PHLPP2: variants seen among roughly 807,000 people sequenced by gnomAD.
The protein encoded by PHLPP2 is PH domain leucine-rich repeat-containing protein phosphatase 2.
Under a neutral mutation model 124.9 loss-of-function variants are expected in PHLPP2, and 66 were observed. The ratio of observed to expected loss-of-function variants is 0.53; its 90% CI spans 0.43 to 0.65. PHLPP2 has a LOEUF of 0.65. PHLPP2 is among the 30% of genes least tolerant of loss of function. PHLPP2 has a pLI of 0.00. For synonymous variants in PHLPP2, 681 were observed against 624.7 expected (o/e 1.09, Z -1.34); for missense variants, 1,685 against 1,600.4 (o/e 1.05, Z -0.90).
rs1271459743 is a variant in PHLPP2, at chr16:71,702,802, T to TTTTTAC, written c.285-72_285-71insGTAAAA. 6.8e-6 allele frequency: 7 copies of TTTTTAC among 1,027,712 alleles called. No homozygotes were observed. In the Admixed American group the frequency reaches 1.0e-4, roughly 15 times the overall value. 63.7% of individuals were successfully genotyped at this position (1,027,712 alleles called of 1,614,324 possible). ...AAATGGTTCATTTAATTTTTTAGTA[T>TTTTTAC]TTTTATTTGTATAAATTTCAGGGGT... On this transcript the variant is annotated intron_variant, in intron 2 of 18. Coordinates refer to ENST00000568954, the MANE Select transcript of PHLPP2 (RefSeq NM_015020.3).
chr16:71,665,035 C>G (rs986284704), intron 12 of PHLPP2, among the ~76,000 whole-genome samples: 1 of 152,044 alleles, frequency 6.6e-6, no homozygotes, highest in Non-Finnish European at 1.5e-5. Context: ...TCCGGCTGGG[C>G]GAGGTGGCTC....
intron 3 of PHLPP2, chr16:71,698,589 A>G: frequency 1.6e-6 from 1 of 625,182 alleles, no homozygotes; most frequent in Admixed American, 1.9e-5. Context: ...GGTCCCTTAG[A>G]GCAACCCATA....
chr16:71,670,698 A>ACACACACACACACACACACACG (rs1475179259), intron 10 of PHLPP2, among the ~76,000 whole-genome samples: 3 of 150,604 alleles, frequency 2.0e-5, no homozygotes, highest in Non-Finnish European at 3.0e-5. Context: ...GGCTGAAAAC[A>ACACACACACACACACACACACG]CACACACACA....
At chr16:71,694,420 C>A in intron 3 of PHLPP2, among the ~76,000 whole-genome samples, 1 of 152,030 alleles carries the variant, frequency 6.6e-6, no homozygotes, top group East Asian at 1.9e-4. Context: ...GAGATCATGC[C>A]ATTGCACTCC....
intron 6 of PHLPP2, 93 bp downstream of exon 6, chr16:71,681,658 G>T: frequency 1.0e-6 from 1 of 973,030 alleles, no homozygotes; most frequent in Non-Finnish European, 1.5e-6. Flanking sequence ...GGAAATTTTA[G>T]AATATACATA....
At chr16:71,705,439 A>G (rs1450805742) in intron 2 of PHLPP2, among the ~76,000 whole-genome samples, 1 of 152,154 alleles carries the variant, frequency 6.6e-6, no homozygotes, top group African/African-American at 2.4e-5. Context: ...TTACACAACC[A>G]AATTTCCTGG....
Position 71,648,386 on chromosome 16 carries a change from A to G in PHLPP2, c.*504T>C, listed in dbSNP as rs2145298932. 6.1e-6 allele frequency: 1 copy of G among 163,902 alleles called. No individual in the cohort carries two copies. The highest frequency in any genetic ancestry group is 5.2e-4 in the Middle Eastern group (1 of 1,928). 10.2% of individuals were successfully genotyped at this position (163,902 alleles called of 1,614,324 possible). A position where few individuals can be genotyped will look rare whatever the true frequency, so the allele number is the denominator to read the frequency against. ...AGGTTAAATGTGAAACTTAACACTG[A>G]TAGTGGCTACCAGTTTATCCAGAGC... On this transcript the variant is annotated 3_prime_UTR_variant, in exon 19 of 19. Coordinates refer to ENST00000568954, the MANE Select transcript of PHLPP2 (RefSeq NM_015020.3).
Position 71,702,696 on chromosome 16 carries a change from A to G in PHLPP2, c.320T>C (p.Val107Ala), listed in dbSNP as rs1020580343. Residue 107 changes from valine to alanine, a missense_variant, in exon 3 of 19, where the codon GTT becomes GCT. Val to Ala is a moderately conservative substitution (Grantham distance 64). Coordinates refer to ENST00000568954, the MANE Select transcript of PHLPP2 (RefSeq NM_015020.3). ...TCCCAGCCTGGATAAGTAATCATAA[A>G]CGATCTGAAGAGGTCGTTCAGTAGG... is the stretch of plus-strand genomic sequence containing the variant. ...LEPTERPLQI[V>A]YDYLSRLGFD... 1.6e-5 allele frequency: 26 copies of G among 1,611,020 alleles called. No homozygotes were observed. The highest frequency in any genetic ancestry group is 1.9e-4 in the Middle Eastern group (1 of 5,344).
chr16:71,698,058 A>G (rs1188334738), intron 3 of PHLPP2, among the ~76,000 whole-genome samples: 2 of 152,054 alleles, frequency 1.3e-5, no homozygotes, highest in African/African-American at 4.8e-5. Flanking sequence ...TGTGTTAGCC[A>G]GGATGGTCTC....
At chr16:71,689,458 T>C (rs978488466) in intron 4 of PHLPP2, among the ~76,000 whole-genome samples, 13 of 148,734 alleles carry the variant, frequency 8.7e-5, no homozygotes, top group African/African-American at 2.7e-4. Flanking sequence ...AATGGCATGA[T>C]CTTGGCTCAC....
intron 3 of PHLPP2, among the ~76,000 whole-genome samples, chr16:71,697,901 G>A (rs909981085): frequency 2.8e-5 from 4 of 144,490 alleles, no homozygotes; most frequent in African/African-American, 1.0e-4. Flanking sequence ...AGGCTGGAGT[G>A]CAGTGGCACC....
chr16:71,670,196 A>G (rs909266272), intron 10 of PHLPP2, among the ~76,000 whole-genome samples: 6 of 152,212 alleles, frequency 3.9e-5, no homozygotes, highest in Non-Finnish European at 8.8e-5. Flanking sequence ...GGGAATAACA[A>G]GCAGCTTGGT....
chr16:71,723,741 T>TCGCC (rs1488489925), intron 1 of PHLPP2: 2 of 1,147,172 alleles, frequency 1.7e-6, no homozygotes, highest in African/African-American at 3.3e-5. Context: ...GCCCGCTCGC[T>TCGCC]CGCTCGCTGG....
In PHLPP2 at chr16:71,704,307, C is replaced by CAAAAA. The variant is rs56882820; in HGVS notation, c.285-1581_285-1577dup. Among the ~76,000 whole-genome samples the CAAAAA allele has an allele frequency of 2.5e-3, 242 of 98,694 alleles. 4 individuals carry two copies. The highest frequency in any genetic ancestry group is 8.8e-3 in the African/African-American group (213 of 24,236). The allele number at this position is 98,694 out of a possible 152,430, so 64.7% of individuals were successfully genotyped here. A position where few individuals can be genotyped will look rare whatever the true frequency, so the allele number is the denominator to read the frequency against. On this transcript the variant is annotated intron_variant, in intron 2 of 18. Coordinates refer to ENST00000568954, the MANE Select transcript of PHLPP2 (RefSeq NM_015020.3). ...CCTGGGCGACAGTGAGACTCTGTCT[C>CAAAAA]AAAAAAAAAAAAAAAAAACTTAATA... is the stretch of plus-strand genomic sequence containing the variant.
In PHLPP2 at chr16:71,710,979, G is replaced by A. The variant is rs534534778; in HGVS notation, c.284+3533C>T. Among the ~76,000 whole-genome samples the A allele has an allele frequency of 4.6e-5, 7 of 151,588 alleles. No individual in the cohort carries two copies. The South Asian group carries it at 1.3e-3, about 27-fold the overall frequency. ...CAATTTATAGTATATCCATACAGAG[G>A]AATATTCTGTAACTATTAAAACTGG... On this transcript the variant is annotated intron_variant, in intron 2 of 18. Transcript: ENST00000568954.
intron 6 of PHLPP2, 101 bp from the exon 7 acceptor site, chr16:71,679,636 A>G (rs142147447): frequency 3.1e-6 from 3 of 965,676 alleles, no homozygotes; most frequent in East Asian, 2.5e-5. Context: ...TTAAATGTCT[A>G]TAATAGAATT....
At chr16:71,691,254 A>C (rs1218987587) in intron 3 of PHLPP2, among the ~76,000 whole-genome samples, 4 of 152,104 alleles carry the variant, frequency 2.6e-5, no homozygotes, top group Non-Finnish European at 4.4e-5. Flanking sequence ...GGAGATCGAG[A>C]CCATCCTGGC....
rs539920318 is a variant in PHLPP2 at position 71,669,202 on chromosome 16, C to G, written c.1628+73G>C. On this transcript the variant is annotated intron_variant, in intron 11 of 18. Transcript: ENST00000568954. ...TGAACAAATAAAAGGCAACCCAAAT[C>G]TAGAAAAAAATTTAAATACGCACAC... is the stretch of plus-strand genomic sequence containing the variant. 4.2e-5 allele frequency: 44 copies of G among 1,060,012 alleles called. No homozygotes were observed. The African/African-American group carries it at 6.0e-4, about 14-fold the overall frequency. The allele number at this position is 1,060,012 out of a possible 1,614,324, so 65.7% of individuals were successfully genotyped here.
chr16:71,679,119 T>A, intron 7 of PHLPP2, 134 bp from the exon 8 acceptor site: 1 of 636,332 alleles, frequency 1.6e-6, no homozygotes, highest in Non-Finnish European at 2.7e-6. Flanking sequence ...TAACTCTCCA[T>A]CTATGCAGAC....
Sources: gnomAD v4.1 joint callset for allele counts (sites outside exome capture counted in the v4.1 genomes callset) on GRCh38, gnomAD v4.1.1 for gene constraint, MANE v1.5 for transcripts, NCBI Gene and HGNC (gene_info 2026-07-23, HGNC 2026-07-21) for gene names.